ANKS3: variants seen among roughly 807,000 people sequenced by gnomAD.
The protein encoded by ANKS3 is ankyrin repeat and sterile alpha motif domain containing 3.
Under a neutral mutation model 80.7 loss-of-function variants are expected in ANKS3, and 62 were observed. That is an observed-to-expected ratio of 0.77 (90% confidence interval 0.63 to 0.95). The LOEUF is 0.95. ANKS3 is among the 40% of genes least tolerant of loss of function. ANKS3 has a pLI of 0.00. For synonymous variants in ANKS3, 489 were observed against 355.3 expected, an observed-to-expected ratio of 1.38 and a Z score of -4.23; for missense variants, 1,150 against 883.6, an observed-to-expected ratio of 1.30 and a Z score of -3.82.
intron 7 of ANKS3, among the ~76,000 whole-genome samples, chr16:4,708,646 A>C (rs1426133394): frequency 6.6e-6 from 1 of 152,080 alleles, no homozygotes; most frequent in South Asian, 2.1e-4. Flanking sequence ...TAAGAAAAAA[A>C]GGAAGAGGCT....
chr16:4,728,559 G>C (rs183302490), intron 3 of ANKS3, among the ~76,000 whole-genome samples: 2 of 152,160 alleles, frequency 1.3e-5, no homozygotes, highest in East Asian at 3.9e-4. Flanking sequence ...CACAACAGCA[G>C]AGCATCTCCC....
At chr16:4,717,755 C>T (rs2080874111) in intron 6 of ANKS3, among the ~76,000 whole-genome samples, 1 of 152,050 alleles carries the variant, frequency 6.6e-6, no homozygotes, top group South Asian at 2.1e-4. Context: ...CTCAAGTGAT[C>T]CTCCCTTCTC....
intron 6 of ANKS3, 47 bp from the exon 7 acceptor site, chr16:4,714,233 C>A (rs1397574757): frequency 6.2e-7 from 1 of 1,604,810 alleles, no homozygotes; most frequent in Admixed American, 1.7e-5. Context: ...CTTCAAAGCA[C>A]CTGCCCTTCC....
intron 5 of ANKS3, 132 bp downstream of exon 5, chr16:4,726,527 A>G (rs907536619): frequency 1.1e-6 from 1 of 895,988 alleles, no homozygotes; most frequent in African/African-American, 1.7e-5. Context: ...CTCTGGTCCT[A>G]CCCCTCATCT....
chr16:4,719,207 T>C (rs78341163), intron 6 of ANKS3, among the ~76,000 whole-genome samples: 2,896 of 152,220 alleles, frequency 0.019, 46 homozygotes, highest in Non-Finnish European at 0.03. Context: ...TAGCATGCGC[T>C]TGTGGTCTCA....
Position 4,729,967 on chromosome 16 carries a change from C to T in ANKS3, c.170+13G>A, listed in dbSNP as rs372922005. On this transcript the variant is annotated intron_variant, in intron 3 of 17. Transcript: ENST00000304283. Reference sequence around the variant, plus strand: ...GCTCAAAATGTGAGAGGAAGTTCCCCGAGATCTCTTACCGCTGCACACACT... The same window carrying T: ...GCTCAAAATGTGAGAGGAAGTTCCCTGAGATCTCTTACCGCTGCACACACT... 9 of 1,459,542 alleles carry T rather than the reference C, an allele frequency of 6.2e-6. No individual in the cohort carries two copies. The highest frequency in any genetic ancestry group is 1.5e-5 in the South Asian group (1 of 66,380). The allele number at this position is 1,459,542 out of a possible 1,614,324, so 90.4% of individuals were successfully genotyped here. A position where few individuals can be genotyped will look rare whatever the true frequency, so the allele number is the denominator to read the frequency against.
chr16:4,710,653 T>A (rs1171552440), intron 7 of ANKS3, among the ~76,000 whole-genome samples: 1 of 152,058 alleles, frequency 6.6e-6, no homozygotes, highest in Non-Finnish European at 1.5e-5. Context: ...GAGGTTGCAT[T>A]GAGTCGAGAT....
chr16:4,700,918 C>A, intron 11 of ANKS3, 52 bp downstream of exon 11: 1 of 1,608,354 alleles, frequency 6.2e-7, no homozygotes, highest in South Asian at 1.1e-5. Flanking sequence ...CCTCCTAAGT[C>A]ACAAAAAGTG....
chr16:4,717,828 C>T (rs906205317), intron 6 of ANKS3, among the ~76,000 whole-genome samples: 2 of 151,828 alleles, frequency 1.3e-5, no homozygotes, highest in Non-Finnish European at 2.9e-5. Context: ...CGGAGTCTCA[C>T]TCTGTCACCC....
intron 6 of ANKS3, among the ~76,000 whole-genome samples, chr16:4,721,547 G>A (rs1401220876): frequency 1.5e-4 from 23 of 151,408 alleles, no homozygotes; most frequent in Non-Finnish European, 3.2e-4. Flanking sequence ...GGAGGTCAAG[G>A]CTGCAGTGAG....
Position 4,698,502 on chromosome 16 carries a change from C to A in ANKS3, c.1649G>T (p.Arg550Leu), listed in dbSNP as rs774373533. Residue 550 changes from arginine (R) to leucine (L), a missense_variant, in exon 14 of 18, where the codon CGC becomes CTC. Transcript: ENST00000304283. Reference sequence around the variant, plus strand: ...CCGCAGCCGGGCCTGGAGGTCCTCGCGGGCGCGGTCCTGCTCCAGCAGGCA... The same window carrying A: ...CCGCAGCCGGGCCTGGAGGTCCTCGAGGGCGCGGTCCTGCTCCAGCAGGCA... Reference protein sequence around the residue: ...ESCLLEQDRAREDLQARLRET... With the variant: ...ESCLLEQDRALEDLQARLRET... 1 of 1,557,472 alleles carries A rather than the reference C, an allele frequency of 6.4e-7. No homozygotes were observed. Among genetic ancestry groups the A allele is most frequent in the Non-Finnish European group, 8.6e-7 (1 of 1,159,392 alleles).
chr16:4,699,170 C>T lies in ANKS3; in HGVS notation c.1291G>A (p.Ala431Thr), dbSNP rs2079761159. The T allele has an allele frequency of 6.2e-7, 1 of 1,613,892 alleles. No homozygotes were observed. Among genetic ancestry groups the T allele is most frequent in the Non-Finnish European group, 8.5e-7 (1 of 1,179,996 alleles). Residue 431 changes from alanine to threonine, a missense_variant, in exon 12 of 18, where the codon GCC becomes ACC. Coordinates refer to ENST00000304283, the MANE Select transcript of ANKS3 (RefSeq NM_133450.4). ...CACCCGATCTGCTCCAGCAGTGCGG[C>T]AAGGTCCTGGCAGGCACAGGGGACA... is the stretch of plus-strand genomic sequence containing the variant. ...RAPYSGPQDL[A>T]ALLEQIGCLK...
At chr16:4,717,266 T>A (rs1447217987) in intron 6 of ANKS3, among the ~76,000 whole-genome samples, 1 of 147,194 alleles carries the variant, frequency 6.8e-6, no homozygotes, top group Admixed American at 6.8e-5. Context: ...AATAATTTCT[T>A]GGCTGGGCAC....
rs772086923 is a variant in ANKS3 at position 4,699,206 on chromosome 16, G to T, written c.1285-30C>A. ...CAGGCACAGGGGACAGGTTGGGGGAGGTAGTGGCTGACGACGAAGCAGAGA... is the reference window on the plus strand; with the variant it reads ...CAGGCACAGGGGACAGGTTGGGGGATGTAGTGGCTGACGACGAAGCAGAGA... On this transcript the variant is annotated intron_variant, in intron 11 of 17. Coordinates refer to ENST00000304283, the MANE Select transcript of ANKS3 (RefSeq NM_133450.4). The T allele has an allele frequency of 1.9e-6, 3 of 1,611,680 alleles. No individual in the cohort carries two copies. In the East Asian group the frequency reaches 6.7e-5, roughly 36 times the overall value.
chr16:4,731,255 A>C (rs73506206), intron 2 of ANKS3, among the ~76,000 whole-genome samples: 3,072 of 152,296 alleles, frequency 0.02, 111 homozygotes, highest in African/African-American at 0.07. Context: ...ACAGAACTGA[A>C]CACCAAAATG....
At chr16:4,705,056 G>A in intron 8 of ANKS3, 39 bp downstream of exon 8, 2 of 1,603,116 alleles carry the variant, frequency 1.2e-6, no homozygotes, top group Non-Finnish European at 8.5e-7. Flanking sequence ...ATCCTGGTAT[G>A]CAATGAGAAA....
At chr16:4,697,183 G>T in intron 16 of ANKS3, 79 bp from the exon 17 acceptor site, 1 of 1,568,034 alleles carries the variant, frequency 6.4e-7, no homozygotes. Context: ...CTCAGCTGCA[G>T]GATGTGACCT....
chr16:4,720,529 A>C (rs2081036365), intron 6 of ANKS3, among the ~76,000 whole-genome samples: 1 of 151,136 alleles, frequency 6.6e-6, no homozygotes, highest in African/African-American at 2.4e-5. Flanking sequence ...GGAACAAAGC[A>C]AGTTTACACT....
At position 4,701,106 on chromosome 16, in the gene ANKS3, G is replaced by A. The variant is rs763756520; in HGVS notation, c.1148C>T (p.Ala383Val). Reference protein sequence around the residue: ...EDSDHACKSSARKQAKSYMKT... With the variant: ...EDSDHACKSSVRKQAKSYMKT... ...CATGTAACTTTTAGCTTGTTTGCGA[G>A]CTGAGCTTTTACAGGCATGATCCGA... The change falls in exon 11 of 18, where the codon GCT becomes GTT. Residue 383 changes from alanine to valine, a missense_variant. Ala to Val is a moderately conservative substitution (Grantham distance 64). Coordinates refer to ENST00000304283, the MANE Select transcript of ANKS3 (RefSeq NM_133450.4). 20 of 1,613,902 alleles carry A rather than the reference G, an allele frequency of 1.2e-5. No individual in the cohort carries two copies. Among genetic ancestry groups the A allele is most frequent in the Non-Finnish European group, 1.6e-5 (19 of 1,180,044 alleles).
Sources: allele counts gnomAD v4.1 joint callset (sites outside exome capture counted in the v4.1 genomes callset), GRCh38; gene constraint gnomAD v4.1.1; transcripts MANE v1.5; gene names NCBI Gene and HGNC (gene_info 2026-07-23, HGNC 2026-07-21).